MROH1: variants seen among roughly 807,000 people sequenced by gnomAD.
The protein encoded by MROH1 is maestro heat-like repeat-containing protein family member 1.
Under a neutral mutation model 116.5 loss-of-function variants are expected in MROH1, and 117 were observed. The ratio of observed to expected loss-of-function variants is 1.00; its 90% CI spans 0.86 to 1.17. MROH1 has a LOEUF of 1.17. MROH1 is among the 50% of genes most tolerant of loss of function. The pLI, the probability that MROH1 is intolerant of heterozygous loss-of-function variation, is 0.00. For synonymous variants in MROH1, 921 were observed against 583.9 expected (o/e 1.58, Z -8.32); for missense variants, 1,873 against 1,338.5 (o/e 1.40, Z -6.23).
chr8:144,230,802 C>CTTTTTTTT (rs1161687289), intron 14 of MROH1, among the ~76,000 whole-genome samples: 33 of 68,550 alleles, frequency 4.8e-4, no homozygotes, highest in Non-Finnish European at 7.0e-4. Context: ...AAAAGGTTTT[C>CTTTTTTTT]TTTTTTTTTT....
chr8:144,209,278 T>A (rs996835461), intron 12 of MROH1, among the ~76,000 whole-genome samples: 1 of 151,990 alleles, frequency 6.6e-6, no homozygotes, highest in South Asian at 2.1e-4. Flanking sequence ...TTCATCCCCA[T>A]TGAAAAATCG....
At chr8:144,197,292 G>A (rs1485544783) in intron 10 of MROH1, among the ~76,000 whole-genome samples, 1 of 152,048 alleles carries the variant, frequency 6.6e-6, no homozygotes, top group African/African-American at 2.4e-5. Flanking sequence ...TGTGGCTGTT[G>A]GCTGGAGGCC....
chr8:144,201,401 C>A (rs1372548394), intron 12 of MROH1, among the ~76,000 whole-genome samples: 1 of 152,194 alleles, frequency 6.6e-6, no homozygotes. Context: ...TGAAAACATA[C>A]CATTTTTCAC....
In MROH1 at chr8:144,241,532, G is replaced by A. The variant is rs1260341447; in HGVS notation, c.2178+15G>A. On this transcript the variant is annotated intron_variant, in intron 22 of 43. Coordinates refer to ENST00000326134, the MANE Select transcript of MROH1 (RefSeq NM_032450.3). ...ACATTTTTAAGGTTAGGGTGACACC[G>A]GTGCAGGGCTGGGGACGGCTGTCTA... is the stretch of plus-strand genomic sequence containing the variant. 5 of 777,934 alleles carry A rather than the reference G, an allele frequency of 6.4e-6. No homozygotes were observed. Among genetic ancestry groups the A allele is most frequent in the Non-Finnish European group, 1.2e-5 (5 of 417,388 alleles). 48.2% of individuals were successfully genotyped at this position (777,934 alleles called of 1,614,324 possible). A position where few individuals can be genotyped will look rare whatever the true frequency, so the allele number is the denominator to read the frequency against.
chr8:144,236,609 G>C (rs1840080735), intron 14 of MROH1, among the ~76,000 whole-genome samples: 1 of 151,844 alleles, frequency 6.6e-6, no homozygotes, highest in South Asian at 2.1e-4. Context: ...CAGGTATGGT[G>C]GTGGGCGCCT....
chr8:144,152,353 T>A (rs1816997085), intron 1 of MROH1, among the ~76,000 whole-genome samples: 2 of 151,810 alleles, frequency 1.3e-5, no homozygotes, highest in Non-Finnish European at 2.9e-5. Context: ...TATATTATGA[T>A]TGGTTTATCA....
chr8:144,247,984 T>C (rs1338117180), intron 31 of MROH1, among the ~76,000 whole-genome samples: 2 of 152,270 alleles, frequency 1.3e-5, no homozygotes, highest in East Asian at 3.8e-4. Context: ...TGTCTGCCAC[T>C]GATACCCTGG....
At chr8:144,179,431 G>C (rs137866191) in intron 4 of MROH1, 24 bp from the exon 5 acceptor site, 2 of 1,611,680 alleles carry the variant, frequency 1.2e-6, no homozygotes, top group South Asian at 1.1e-5. Context: ...ACCTGGGACC[G>C]ACCTGGACGG....
chr8:144,222,036 CTAGGAT>C (rs747422027), intron 13 of MROH1, among the ~76,000 whole-genome samples: 60,372 of 151,464 alleles, frequency 0.4, 14,955 homozygotes, highest in East Asian at 0.72. Flanking sequence ...GGCTCAACTC[CTAGGAT>C]TGCTGGGGTG....
intron 32 of MROH1, among the ~76,000 whole-genome samples, chr8:144,249,380 G>A (rs946462976): frequency 7.2e-5 from 11 of 152,280 alleles, no homozygotes; most frequent in Middle Eastern, 3.4e-3. Flanking sequence ...GGTGTCAGCC[G>A]TCCCCTAGGG....
intron 8 of MROH1, among the ~76,000 whole-genome samples, 168 bp downstream of exon 8, chr8:144,191,103 TC>T: frequency 6.6e-6 from 1 of 152,246 alleles, no homozygotes; most frequent in Non-Finnish European, 1.5e-5. Flanking sequence ...AGAGTCTCAC[TC>T]TGTCACCCAG....
At chr8:144,154,665 C>CTT (rs1224999167) in intron 1 of MROH1, among the ~76,000 whole-genome samples, 28 of 133,804 alleles carry the variant, frequency 2.1e-4, no homozygotes, top group Non-Finnish European at 1.9e-4. Flanking sequence ...AATACTGCAT[C>CTT]TTTTTTTTTT....
At chr8:144,159,433 T>C (rs970324995) in intron 1 of MROH1, among the ~76,000 whole-genome samples, 3 of 152,202 alleles carry the variant, frequency 2.0e-5, no homozygotes, top group South Asian at 2.1e-4. Flanking sequence ...CTTGCATTTT[T>C]ATTAGTTTTG....
intron 26 of MROH1, 72 bp downstream of exon 26, chr8:144,244,014 A>C (rs1841447613): frequency 1.3e-6 from 1 of 752,060 alleles, no homozygotes; most frequent in Admixed American, 1.9e-5. Flanking sequence ...TTGTGTGTGC[A>C]CGTGTATGCG....
chr8:144,221,118 C>G (rs1836640946), intron 13 of MROH1, among the ~76,000 whole-genome samples: 1 of 152,224 alleles, frequency 6.6e-6, no homozygotes, highest in South Asian at 2.1e-4. Flanking sequence ...CCCCGCCCCT[C>G]TTCACAGCAG....
chr8:144,181,204 GACCAGCCCTCGTAAAGA>G (rs1825545715), intron 7 of MROH1, among the ~76,000 whole-genome samples: 1 of 146,836 alleles, frequency 6.8e-6, no homozygotes, highest in Non-Finnish European at 1.5e-5. Flanking sequence ...GTGCCCAGGG[GACCAGCCCTCGTAAAGA>G]GCCAGCCCTC....
intron 20 of MROH1, 87 bp downstream of exon 20, chr8:144,240,764 C>T (rs1464919807): frequency 1.4e-6 from 1 of 697,402 alleles, no homozygotes; most frequent in Non-Finnish European, 2.6e-6. Context: ...TGGGCCCTGT[C>T]TCCCGTGGCC....
rs925283543 is a variant in MROH1 at position 144,255,127 on chromosome 8, C to T, written c.3594+149C>T. The T allele has an allele frequency of 1.9e-4, 117 of 604,378 alleles. 1 individual carries two copies. Among genetic ancestry groups the T allele is most frequent in the South Asian group, 3.3e-4 (17 of 51,232 alleles). 37.4% of individuals were successfully genotyped at this position (604,378 alleles called of 1,614,324 possible). A position where few individuals can be genotyped will look rare whatever the true frequency, so the allele number is the denominator to read the frequency against. ...GGGCTGGGAGCTCTGAGCTCAGGCT[C>T]GTAAAGGCCTCACAGGTGTGGGCCC... On this transcript the variant is annotated intron_variant, in intron 34 of 43. Coordinates refer to ENST00000326134, the MANE Select transcript of MROH1 (RefSeq NM_032450.3).
intron 10 of MROH1, 103 bp downstream of exon 10, chr8:144,192,504 C>A: frequency 1.0e-6 from 1 of 952,904 alleles, no homozygotes; most frequent in Non-Finnish European, 1.6e-6. Flanking sequence ...GATGGCTCAG[C>A]CACGTGGGGC....
Sources: gnomAD v4.1 joint callset for allele counts (sites outside exome capture counted in the v4.1 genomes callset) on GRCh38, gnomAD v4.1.1 for gene constraint, MANE v1.5 for transcripts, NCBI Gene and HGNC (gene_info 2026-07-23, HGNC 2026-07-21) for gene names.